The following KCNT2 variants were observed in gnomAD, a reference collection of about 807,000 sequenced individuals.
The protein encoded by KCNT2 is potassium channel subfamily T member 2.
KCNT2 carries 67 observed loss-of-function variants against 153.8 expected under a neutral mutation model. That is an observed-to-expected ratio of 0.44 (90% CI 0.36 to 0.53). KCNT2 has a LOEUF of 0.53. Ranked by LOEUF, KCNT2 falls within the 20% of genes least tolerant of loss-of-function variation. The pLI is 0.00. For missense variants in KCNT2, 975 were observed against 1,354.8 expected, an observed-to-expected ratio of 0.72 and a Z score of 4.40; for synonymous variants, 500 against 458.8, an observed-to-expected ratio of 1.09 and a Z score of -1.15.
intron 3 of KCNT2, among the ~76,000 whole-genome samples, chr1:196,487,577 C>T (rs998539762): frequency 2.6e-5 from 4 of 151,938 alleles, no homozygotes; most frequent in Middle Eastern, 3.4e-3. Context: ...TGTTAGAGAA[C>T]TTAGTCCTAC....
At chr1:196,550,678 C>A (rs1657773122) in intron 1 of KCNT2, among the ~76,000 whole-genome samples, 1 of 151,738 alleles carries the variant, frequency 6.6e-6, no homozygotes. Flanking sequence ...AATCAGCCAG[C>A]AGACACCAGA....
At chr1:196,350,050 G>A (rs1036299428) in intron 14 of KCNT2, among the ~76,000 whole-genome samples, 1 of 152,056 alleles carries the variant, frequency 6.6e-6, no homozygotes, top group Non-Finnish European at 1.5e-5. Context: ...TCATTTTTAT[G>A]GCTGCATAGT....
chr1:196,482,490 A>C, intron 3 of KCNT2, 111 bp from the exon 4 acceptor site: 1 of 517,898 alleles, frequency 1.9e-6, no homozygotes, highest in Non-Finnish European at 3.3e-6. Context: ...AAAAGACAAA[A>C]TATCAAAATC....
chr1:196,600,740 G>C (rs1208279716), intron 1 of KCNT2, among the ~76,000 whole-genome samples: 1 of 152,098 alleles, frequency 6.6e-6, no homozygotes, highest in Non-Finnish European at 1.5e-5. Context: ...TTGACAATTT[G>C]TTTATTCATA....
chr1:196,310,963 T>A (rs1662118433), intron 21 of KCNT2, among the ~76,000 whole-genome samples: 1 of 151,816 alleles, frequency 6.6e-6, no homozygotes, highest in Non-Finnish European at 1.5e-5. Context: ...AGTCCTTGAA[T>A]AGTCACTACC....
chr1:196,566,364 A>G (rs1474719830), intron 1 of KCNT2, among the ~76,000 whole-genome samples: 1 of 152,094 alleles, frequency 6.6e-6, no homozygotes, highest in Non-Finnish European at 1.5e-5. Flanking sequence ...TTGAATGTTA[A>G]GTTGCAAAGT....
chr1:196,385,626 C>T (rs959731929), intron 13 of KCNT2, among the ~76,000 whole-genome samples: 4 of 151,822 alleles, frequency 2.6e-5, no homozygotes, highest in African/African-American at 9.7e-5. Context: ...ATGTACAACT[C>T]TGTGTAATAA....
At chr1:196,359,710 G>A (rs1040823656) in intron 14 of KCNT2, among the ~76,000 whole-genome samples, 13 of 151,876 alleles carry the variant, frequency 8.6e-5, no homozygotes, top group African/African-American at 2.9e-4. Context: ...AAATCACACT[G>A]AATTAAGGAG....
intron 22 of KCNT2, among the ~76,000 whole-genome samples, chr1:196,299,364 A>G (rs1299657168): frequency 6.6e-6 from 1 of 152,140 alleles, no homozygotes; most frequent in Non-Finnish European, 1.5e-5. Flanking sequence ...ACGTAAAAAA[A>G]AAATCAGCAA....
intron 23 of KCNT2, among the ~76,000 whole-genome samples, chr1:196,283,335 G>A (rs1659302613): frequency 6.6e-6 from 1 of 151,996 alleles, no homozygotes; most frequent in Non-Finnish European, 1.5e-5. Flanking sequence ...CAGCTACTTG[G>A]GAGGCTGAGA....
chr1:196,339,096 C>T (rs895809232), intron 16 of KCNT2, among the ~76,000 whole-genome samples: 12 of 151,616 alleles, frequency 7.9e-5, no homozygotes, highest in Non-Finnish European at 1.6e-4. Context: ...AGACAGTTCG[C>T]GTTGCTGTAA....
At chr1:196,394,397 C>T (rs748299440) in intron 13 of KCNT2, among the ~76,000 whole-genome samples, 2 of 151,426 alleles carry the variant, frequency 1.3e-5, no homozygotes, top group East Asian at 1.9e-4. Flanking sequence ...GTAGTACAAC[C>T]GATAGGACAA....
intron 9 of KCNT2, 108 bp downstream of exon 9, chr1:196,429,469 G>T: frequency 1.7e-6 from 1 of 587,916 alleles, no homozygotes; most frequent in Non-Finnish European, 2.9e-6. Flanking sequence ...GTATGTGTTA[G>T]TAAATTAGTG....
intron 25 of KCNT2, among the ~76,000 whole-genome samples, chr1:196,269,561 C>T (rs1167184561): frequency 6.6e-6 from 1 of 151,976 alleles, no homozygotes; most frequent in Non-Finnish European, 1.5e-5. Flanking sequence ...GGACTATATA[C>T]AAAAATTAGC....
rs758308211 is a variant in KCNT2, at chr1:196,467,677, T to C, written c.543+26A>G. On this transcript the variant is annotated intron_variant, in intron 7 of 27. Coordinates refer to ENST00000294725, the MANE Select transcript of KCNT2 (RefSeq NM_198503.5). ...AAGAAATGGTTTAAAAATATTTTCATATTTGCACTTTAATTCTATACTTAC... is the reference window on the plus strand; with the variant it reads ...AAGAAATGGTTTAAAAATATTTTCACATTTGCACTTTAATTCTATACTTAC... The C allele has an allele frequency of 3.3e-5, 46 of 1,399,248 alleles. No homozygotes were observed. In the South Asian group the frequency reaches 3.5e-4, roughly 11 times the overall value. The allele number at this position is 1,399,248 out of a possible 1,614,324, so 86.7% of individuals were successfully genotyped here.
intron 9 of KCNT2, among the ~76,000 whole-genome samples, chr1:196,429,279 C>G (rs1572416943): frequency 6.6e-6 from 1 of 151,558 alleles, no homozygotes; most frequent in African/African-American, 2.4e-5. Flanking sequence ...TAATTAAAAA[C>G]TATGTTATTC....
intron 1 of KCNT2, among the ~76,000 whole-genome samples, chr1:196,516,956 C>G (rs1430779647): frequency 6.6e-6 from 1 of 152,102 alleles, no homozygotes; most frequent in East Asian, 1.9e-4. Context: ...TTGGGTGGGT[C>G]CTCCCAGCCT....
At chr1:196,570,640 A>G (rs1335064222) in intron 1 of KCNT2, among the ~76,000 whole-genome samples, 1 of 152,110 alleles carries the variant, frequency 6.6e-6, no homozygotes, top group African/African-American at 2.4e-5. Flanking sequence ...CAAAGAGTCT[A>G]CAGCAGATTA....
intron 8 of KCNT2, among the ~76,000 whole-genome samples, chr1:196,449,308 A>T (rs901683521): frequency 2.6e-5 from 4 of 151,742 alleles, no homozygotes; most frequent in Non-Finnish European, 4.4e-5. Flanking sequence ...GCAAACCAGG[A>T]ACCTAAAAAT....
Sources: gnomAD v4.1 joint callset for allele counts (sites outside exome capture counted in the v4.1 genomes callset) on GRCh38, gnomAD v4.1.1 for gene constraint, MANE v1.5 for transcripts, NCBI Gene and HGNC (gene_info 2026-07-23, HGNC 2026-07-21) for gene names.